Variants in COPS9 observed in about 807,000 individuals in gnomAD.
The protein encoded by COPS9 is COP9 signalosome subunit 9.
A neutral mutation model predicts 7.2 loss-of-function variants in COPS9; 8 were observed. The observed-to-expected ratio is 1.11, with a 90% confidence interval of 0.65 to 2.00. The LOEUF is 2.00. COPS9 is among the 30% of genes most tolerant of loss of function. COPS9 has a pLI of 0.00. For missense variants in COPS9, 74 were observed against 77.7 expected, an observed-to-expected ratio of 0.95 and a Z score of 0.18; for synonymous variants, 39 against 28.7, an observed-to-expected ratio of 1.36 and a Z score of -1.14.
chr2:240,133,817 C>A lies in COPS9; in HGVS notation c.136+116G>T, dbSNP rs909609116. On this transcript the variant is annotated intron_variant, in intron 2 of 2. Transcript: ENST00000607357. ...GCTGCACTGCATTCTGAGAGGAGCG[C>A]AGGGGCTCTACCACCTTATGATCCA... The A allele has an allele frequency of 2.0e-5, 20 of 1,006,854 alleles. No individual in the cohort carries two copies. In the East Asian group the frequency reaches 4.8e-4, roughly 24 times the overall value. 62.4% of individuals were successfully genotyped at this position (1,006,854 alleles called of 1,614,324 possible).
chr2:240,129,351 G>A (rs1014007874), downstream of COPS9, among the ~76,000 whole-genome samples: 1 of 152,138 alleles, frequency 6.6e-6, no homozygotes, highest in African/African-American at 2.4e-5. Context: ...TTTGTATAGA[G>A]AGGGGGGTCT....
intron 2 of COPS9, 120 bp downstream of exon 2, chr2:240,133,813 A>C: frequency 2.2e-6 from 2 of 922,224 alleles, no homozygotes; most frequent in African/African-American, 1.6e-5. Context: ...TTCTGAGAGG[A>C]GCGCAGGGGC....
chr2:240,130,531 C>T (rs1303074154), downstream of COPS9, among the ~76,000 whole-genome samples: 1 of 152,238 alleles, frequency 6.6e-6, no homozygotes, highest in Non-Finnish European at 1.5e-5. Context: ...GGCCAGAGGA[C>T]AGCATAAGGA....
intron 1 of COPS9, 118 bp downstream of exon 1, chr2:240,136,104 G>A (rs2071987958): frequency 3.1e-6 from 4 of 1,310,918 alleles, no homozygotes; most frequent in Admixed American, 4.1e-5. Context: ...CCTGGGAGCC[G>A]CGCCCATCGC....
chr2:240,129,553 C>G (rs1390352412), downstream of COPS9, among the ~76,000 whole-genome samples: 1 of 152,182 alleles, frequency 6.6e-6, no homozygotes, highest in African/African-American at 2.4e-5. Context: ...AGCCACAGCC[C>G]TTACCACTGT....
At chr2:240,131,428 C>T (rs554459093) in intron 2 of COPS9, among the ~76,000 whole-genome samples, 8 of 152,224 alleles carry the variant, frequency 5.3e-5, no homozygotes, top group Admixed American at 1.3e-4. Flanking sequence ...CACGAGTGCA[C>T]GGGCACCCAA....
At chr2:240,135,858 T>C in intron 1 of COPS9, 1 of 288,024 alleles carries the variant, frequency 3.5e-6, no homozygotes, top group South Asian at 9.9e-5. Flanking sequence ...CACACGAGGT[T>C]ATGGAGACGC....
At chr2:240,129,993 G>A (rs2071905152), downstream of COPS9, 2 of 1,613,946 alleles carry the variant, frequency 1.2e-6, no homozygotes, top group Middle Eastern at 1.6e-4. Context: ...GGGAACCATG[G>A]AGGACTGCTG....
At chr2:240,127,898 G>GC (rs1313623918), downstream of COPS9, among the ~76,000 whole-genome samples, 1 of 151,932 alleles carries the variant, frequency 6.6e-6, no homozygotes, top group Non-Finnish European at 1.5e-5. Context: ...TGGATTCACT[G>GC]CCCCCCAAGT....
At chr2:240,134,207 C>G in intron 1 of COPS9, 1 of 564,806 alleles carries the variant, frequency 1.8e-6, no homozygotes, top group Non-Finnish European at 3.1e-6. Context: ...TTTTTAAGGT[C>G]TCTCAAGGGC....
chr2:240,130,972 C>A lies in COPS9; in HGVS notation c.*79G>T. On this transcript the variant is annotated 3_prime_UTR_variant, in exon 3 of 3. Coordinates refer to ENST00000607357, the MANE Select transcript of COPS9 (RefSeq NM_001163424.2). ...AGGGATTTCCACGTGTTCTTTAAAA[C>A]CACCTGAAACTGTCCTGCGCAGGCT... 2.6e-6 allele frequency: 4 copies of A among 1,555,616 alleles called. No individual in the cohort carries two copies. In the Admixed American group the frequency reaches 8.5e-5, roughly 33 times the overall value.
Position 240,130,873 on chromosome 2 carries a change from G to C in COPS9, c.*178C>G, listed in dbSNP as rs578172706. 4.9e-6 allele frequency: 7 copies of C among 1,429,506 alleles called. No individual in the cohort carries two copies. In the South Asian group the frequency reaches 1.1e-4, roughly 23 times the overall value. The allele number at this position is 1,429,506 out of a possible 1,614,324, so 88.6% of individuals were successfully genotyped here. A position where few individuals can be genotyped will look rare whatever the true frequency, so the allele number is the denominator to read the frequency against. ...TGGAGTGAGGACAAAACCTGATCCCGTTCAGAGATGAACAGAATCATCTAG... is the reference window on the plus strand; with the variant it reads ...TGGAGTGAGGACAAAACCTGATCCCCTTCAGAGATGAACAGAATCATCTAG... On this transcript the variant is annotated 3_prime_UTR_variant, in exon 3 of 3. Transcript: ENST00000607357.
At chr2:240,133,075 C>A (rs1340093397) in intron 2 of COPS9, among the ~76,000 whole-genome samples, 2 of 152,218 alleles carry the variant, frequency 1.3e-5, no homozygotes, top group Non-Finnish European at 2.9e-5. Flanking sequence ...GATGAAGCAG[C>A]AGGGACTCAG....
At chr2:240,130,767 C>CA, downstream of COPS9, 1 of 1,327,100 alleles carries the variant, frequency 7.5e-7, no homozygotes, top group South Asian at 2.2e-5. Flanking sequence ...CACAAACACA[C>CA]AGAGACGTTT....
Position 240,133,994 on chromosome 2 carries a change from G to A in COPS9, c.75C>T (p.Ser25=). The change falls in exon 2 of 3, where the codon AGC becomes AGT. Residue 25 remains serine (S), a synonymous_variant. Transcript: ENST00000607357. ...CTGCCAAGTCCATCAAGAGCCCGGT[G>A]CTGCCTCCCGCCTGGGGAATGGAAA... ...PYVDLDEAGG[S]TGLLMDLAAN... 2 of 1,614,156 alleles carry A rather than the reference G, an allele frequency of 1.2e-6. No homozygotes were observed. The highest frequency in any genetic ancestry group is 1.7e-6 in the Non-Finnish European group (2 of 1,180,020).
At position 240,131,099 on chromosome 2, in the gene COPS9, A is replaced by G; in HGVS notation, c.137-11T>C. On this transcript the variant is annotated splice_polypyrimidine_tract_variant and intron_variant, in intron 2 of 2. Transcript: ENST00000607357. Reference sequence around the variant, plus strand: ...AAAGATCTTCAAAATCTAGGGAAATAAGCAAAACCACGTAGTTACACCTAC... The same window carrying G: ...AAAGATCTTCAAAATCTAGGGAAATGAGCAAAACCACGTAGTTACACCTAC... 1 of 1,612,048 alleles carries G rather than the reference A, an allele frequency of 6.2e-7. No individual in the cohort carries two copies. Among genetic ancestry groups the G allele is most frequent in the Non-Finnish European group, 8.5e-7 (1 of 1,179,246 alleles).
intron 2 of COPS9, 85 bp from the exon 3 acceptor site, chr2:240,131,173 CA>C: frequency 1.4e-6 from 2 of 1,382,148 alleles, no homozygotes; most frequent in Non-Finnish European, 1.0e-6. Context: ...TATAGTAGTC[CA>C]AAATACAGAG....
At chr2:240,135,023 G>A (rs1438028837) in intron 1 of COPS9, among the ~76,000 whole-genome samples, 5 of 152,116 alleles carry the variant, frequency 3.3e-5, no homozygotes, top group African/African-American at 1.2e-4. Flanking sequence ...ACAGGACTGA[G>A]AAGCCTGGGT....
chr2:240,127,573 G>C (rs926303705), downstream of COPS9, among the ~76,000 whole-genome samples: 1 of 152,154 alleles, frequency 6.6e-6, no homozygotes, highest in African/African-American at 2.4e-5. Context: ...GGTGTTAGGA[G>C]GTGGGACCTC....
Sources: gnomAD v4.1 joint callset for allele counts (sites outside exome capture counted in the v4.1 genomes callset) on GRCh38, gnomAD v4.1.1 for gene constraint, MANE v1.5 for transcripts, NCBI Gene and HGNC (gene_info 2026-07-23, HGNC 2026-07-21) for gene names.